The following INSL6 variants were observed in gnomAD, a reference collection of about 807,000 sequenced individuals.
The protein encoded by INSL6 is insulin like 6.
Under a neutral mutation model 9.4 loss-of-function variants are expected in INSL6, and 16 were observed. The observed-to-expected ratio is 1.70, with a 90% CI of 1.15 to 2.59. The LOEUF (loss-of-function observed/expected upper bound fraction) is 2.59, where lower values mean the gene tolerates loss of function less well. Among genes scored for constraint, INSL6 ranks in the 30% most tolerant of loss-of-function variants. The probability of loss-of-function intolerance (pLI) is 0.00; values close to 1 mark genes in which losing one functional copy is unlikely to be tolerated. For synonymous variants in INSL6, 154 were observed against 96.9 expected (o/e 1.59, Z -3.46); for missense variants, 391 against 257.3 (o/e 1.52, Z -3.56).
At chr9:5,031,968 A>C in the INSL6 span, among the ~76,000 whole-genome samples, 1 of 152,372 alleles carries the variant, frequency 6.6e-6, no homozygotes, top group East Asian at 1.9e-4. Flanking sequence ...AGGCATCGCC[A>C]CACCCGGGAA....
At chr9:5,160,943 T>C (rs1227294094), downstream of INSL6, among the ~76,000 whole-genome samples, 3 of 152,132 alleles carry the variant, frequency 2.0e-5, no homozygotes, top group Non-Finnish European at 2.9e-5. Context: ...ATTGAAGCTA[T>C]AATAAAAACT....
chr9:5,048,990 C>G, the INSL6 span, among the ~76,000 whole-genome samples: 1 of 152,116 alleles, frequency 6.6e-6, no homozygotes, highest in Non-Finnish European at 1.5e-5. Flanking sequence ...CATGTTCAGT[C>G]AGATTTATCT....
At chr9:5,095,741 C>G in the INSL6 span, among the ~76,000 whole-genome samples, 2 of 152,152 alleles carry the variant, frequency 1.3e-5, no homozygotes, top group Admixed American at 1.3e-4. Context: ...CTTAATCAAA[C>G]ACAATTCTGC....
the INSL6 span, among the ~76,000 whole-genome samples, chr9:5,005,431 G>A: frequency 6.6e-6 from 1 of 151,938 alleles, no homozygotes; most frequent in Non-Finnish European, 1.5e-5. Context: ...TCTGTTAATT[G>A]TTTCCCTTGC....
chr9:5,127,404 T>C, intron 3 of INSL6: 1 of 231,970 alleles, frequency 4.3e-6, no homozygotes. Flanking sequence ...TTCCATGTAC[T>C]GTAAATATTT....
the INSL6 span, chr9:5,080,566 C>T: frequency 6.3e-7 from 1 of 1,597,838 alleles, no homozygotes; most frequent in Non-Finnish European, 8.5e-7. Flanking sequence ...GCATCAGCTT[C>T]CTGCACCAAA....
chr9:5,123,687 G>T (rs183073081), downstream of INSL6, among the ~76,000 whole-genome samples: 495 of 151,988 alleles, frequency 3.3e-3, 1 homozygote, highest in Non-Finnish European at 4.2e-3. Flanking sequence ...ATGCTGGATC[G>T]AATGGTAGTT....
the INSL6 span, among the ~76,000 whole-genome samples, chr9:5,002,920 T>G: frequency 2.0e-5 from 3 of 152,004 alleles, no homozygotes; most frequent in African/African-American, 7.2e-5. Context: ...CCGTATGAAG[T>G]AGATAGAAGT....
At chr9:5,179,085 A>G (rs1423612866) in intron 1 of INSL6, among the ~76,000 whole-genome samples, 1 of 152,120 alleles carries the variant, frequency 6.6e-6, no homozygotes, top group Non-Finnish European at 1.5e-5. Flanking sequence ...GACAACCTAC[A>G]GAATGGGAGA....
chr9:5,042,790 A>C, the INSL6 span, among the ~76,000 whole-genome samples: 548 of 152,234 alleles, frequency 3.6e-3, 4 homozygotes, highest in Middle Eastern at 0.017. Context: ...CCCAAAACTA[A>C]AGGGGAACGG....
the INSL6 span, among the ~76,000 whole-genome samples, chr9:5,026,252 A>G: frequency 6.6e-6 from 1 of 152,208 alleles, no homozygotes; most frequent in Non-Finnish European, 1.5e-5. Flanking sequence ...AATTTTTAGT[A>G]CATGATATTG....
chr9:5,066,610 A>G, the INSL6 span: 6 of 859,630 alleles, frequency 7.0e-6, no homozygotes, highest in African/African-American at 1.7e-5. Context: ...TGATTGTTTT[A>G]GATGACACTT....
chr9:5,019,170 T>A, the INSL6 span, among the ~76,000 whole-genome samples: 1 of 152,192 alleles, frequency 6.6e-6, no homozygotes, highest in Non-Finnish European at 1.5e-5. Flanking sequence ...ATTTTCATTG[T>A]CTTCTAGAAT....
At chr9:5,103,662 T>A in the INSL6 span, among the ~76,000 whole-genome samples, 1 of 152,142 alleles carries the variant, frequency 6.6e-6, no homozygotes, top group African/African-American at 2.4e-5. Flanking sequence ...ATAGACCACA[T>A]AGAAGTAAAG....
chr9:5,148,951 G>A (rs932994781), intron 2 of INSL6, among the ~76,000 whole-genome samples: 12 of 152,194 alleles, frequency 7.9e-5, no homozygotes, highest in Non-Finnish European at 1.8e-4. Context: ...AAACAGACAT[G>A]CTGCAGGCCC....
the INSL6 span, among the ~76,000 whole-genome samples, chr9:4,993,015 G>A: frequency 6.6e-6 from 1 of 152,146 alleles, no homozygotes; most frequent in African/African-American, 2.4e-5. Context: ...GTAGCTTTCT[G>A]AGCTTGCTTC....
chr9:5,090,651 T>C, the INSL6 span: 5 of 1,516,266 alleles, frequency 3.3e-6, no homozygotes, highest in Non-Finnish European at 4.4e-6. Flanking sequence ...GACGTTTTCA[T>C]AGATAATAAA....
chr9:5,154,325 A>T (rs1037715535), intron 2 of INSL6, among the ~76,000 whole-genome samples: 2 of 152,246 alleles, frequency 1.3e-5, no homozygotes, highest in African/African-American at 4.8e-5. Context: ...AATTAATTCA[A>T]GATGGATTAA....
At chr9:5,056,845 T>C in the INSL6 span, among the ~76,000 whole-genome samples, 1 of 152,198 alleles carries the variant, frequency 6.6e-6, no homozygotes, top group Non-Finnish European at 1.5e-5. Flanking sequence ...TGGCTTAATT[T>C]TAAGTCTGCA....
Sources: gnomAD v4.1 joint callset for allele counts (sites outside exome capture counted in the v4.1 genomes callset) on GRCh38, gnomAD v4.1.1 for gene constraint, MANE v1.5 for transcripts, NCBI Gene and HGNC (gene_info 2026-07-23, HGNC 2026-07-21) for gene names.